Variants in DNHD1 observed in about 807,000 individuals in gnomAD.
The protein encoded by DNHD1 is dynein heavy chain domain 1, also known as dynein heavy chain domain-containing protein 1.
A neutral mutation model predicts 458.1 loss-of-function variants in DNHD1; 383 were observed. That is an observed-to-expected ratio of 0.84 (90% CI 0.77 to 0.91). DNHD1 has a LOEUF of 0.91. Ranked by LOEUF, DNHD1 falls within the 40% of genes least tolerant of loss-of-function variation. The pLI is 0.00. For missense variants in DNHD1, 5,336 were observed against 5,866.1 expected (o/e 0.91, Z 2.95); for synonymous variants, 2,203 against 2,376.9 (o/e 0.93, Z 2.13).
intron 28 of DNHD1, 36 bp downstream of exon 28, chr11:6,559,319 C>CA: frequency 1.2e-5 from 18 of 1,529,442 alleles, no homozygotes; most frequent in Non-Finnish European, 1.5e-5. Flanking sequence ...ATGGTGGTGT[C>CA]AAAGCAGGAG....
Position 6,545,912 on chromosome 11 carries a change from T to C in DNHD1, c.4973T>C (p.Leu1658Pro), listed in dbSNP as rs1197412429. The change falls in exon 21 of 43, where the codon CTA becomes CCA. Residue 1658 changes from leucine (L) to proline (P), a missense_variant. Around this residue, in one of 4 missense-constraint regions of DNHD1, gnomAD observed 3,932 missense variants for 4,365.6 expected, o/e 0.90. Transcript: ENST00000254579. This position sits in a 1 kb window ranked among gnomAD's most constrained non-coding sequence, Gnocchi z 4.9. The part of the protein sequence containing the change: ...LYNYEYLGPR[L>P]GPLPSLLPER... Reference sequence around the variant, plus strand: ...AATTACGAGTATCTGGGACCTAGACTAGGGCCTCTACCCAGCCTACTGCCT... The same window carrying C: ...AATTACGAGTATCTGGGACCTAGACCAGGGCCTCTACCCAGCCTACTGCCT... 7 of 1,551,688 alleles carry C rather than the reference T, an allele frequency of 4.5e-6. No individual in the cohort carries two copies. The African/African-American group carries it at 9.6e-5, about 21-fold the overall frequency.
At chr11:6,508,840 G>A (rs372485903) in intron 4 of DNHD1, 40 bp from the exon 5 acceptor site, 48 of 1,605,178 alleles carry the variant, frequency 3.0e-5, no homozygotes, top group African/African-American at 2.3e-4. Flanking sequence ...GTCTGACCAC[G>A]TTCCCAGGGC....
intron 10 of DNHD1, among the ~76,000 whole-genome samples, chr11:6,528,181 A>C (rs2880963): frequency 0.17 from 26,485 of 152,212 alleles, 2,436 homozygotes; most frequent in Middle Eastern, 0.24. Flanking sequence ...TGCCAGGCAG[A>C]ACACAGCCCT....
chr11:6,539,425 C>T (rs1177852307), intron 17 of DNHD1, 112 bp downstream of exon 17: 15 of 790,598 alleles, frequency 1.9e-5, no homozygotes, highest in Non-Finnish European at 3.1e-5. Context: ...GTTGAGCCTG[C>T]TAACCTGCCT....
At position 6,538,810 on chromosome 11, in the gene DNHD1, G is replaced by T; in HGVS notation, c.3325G>T (p.Ala1109Ser). ...CCTCAACTGCCAGTGTCTCCTGCGT[G>T]GTATGTTTGGTTAATGTCAGAGGAG... is the stretch of plus-strand genomic sequence containing the variant. ...QSLNCQCLLRALGLGSLQTIE... is the reference protein window; with the variant it reads ...QSLNCQCLLRSLGLGSLQTIE... The change falls in exon 16 of 43, where the codon GCC (alanine) becomes TCC (serine). Residue 1109 changes from alanine (A) to serine (S), a missense_variant and splice_region_variant. This residue lies in a region of DNHD1 where 3,932 missense variants were observed against 4,365.6 expected (regional missense o/e 0.90). Coordinates refer to ENST00000254579, the MANE Select transcript of DNHD1 (RefSeq NM_144666.3). The T allele has an allele frequency of 2.7e-6, 4 of 1,498,230 alleles. No homozygotes were observed. The highest frequency in any genetic ancestry group is 3.6e-6 in the Non-Finnish European group (4 of 1,116,192). The allele number at this position is 1,498,230 out of a possible 1,614,324, so 92.8% of individuals were successfully genotyped here.
chr11:6,530,109 A>T (rs10839573), intron 12 of DNHD1, among the ~76,000 whole-genome samples: 2 of 152,036 alleles, frequency 1.3e-5, no homozygotes, highest in Non-Finnish European at 2.9e-5. Flanking sequence ...ACTACAACAC[A>T]TAACAGTATG....
intron 17 of DNHD1, 57 bp downstream of exon 17, chr11:6,539,370 A>G: frequency 7.6e-7 from 1 of 1,315,392 alleles, no homozygotes; most frequent in South Asian, 1.3e-5. Context: ...CCTGTAATAA[A>G]GCCAGTCAAG....
intron 4 of DNHD1, chr11:6,504,169 ATCAAT>A (rs2134367456): frequency 6.6e-6 from 1 of 152,362 alleles, no homozygotes; most frequent in African/African-American, 2.4e-5. Context: ...TCATTTACTG[ATCAAT>A]TCATTTAATA....
Position 6,547,456 on chromosome 11 carries a change from C to A in DNHD1, c.6517C>A (p.Arg2173=). The part of the protein sequence containing the change: ...SLPYEYRLQH[R]TVAELNHMAE... ...TCCTTATGAGTACCGCCTGCAGCAC[C>A]GGACAGTCGCTGAGCTCAACCACAT... The change falls in exon 21 of 43, where the codon CGG becomes AGG. Residue 2173 remains arginine, a synonymous_variant. Coordinates refer to ENST00000254579, the MANE Select transcript of DNHD1 (RefSeq NM_144666.3). 1 of 1,551,332 alleles carries A rather than the reference C, an allele frequency of 6.4e-7. No homozygotes were observed. The highest frequency in any genetic ancestry group is 8.7e-7 in the Non-Finnish European group (1 of 1,146,662).
chr11:6,512,496 A>G (rs1167984139), intron 7 of DNHD1, among the ~76,000 whole-genome samples: 1 of 151,990 alleles, frequency 6.6e-6, no homozygotes, highest in Non-Finnish European at 1.5e-5. Context: ...TGCTGGGATT[A>G]CAGGTGTGAA....
chr11:6,544,917 G>A lies in DNHD1; in HGVS notation c.3978G>A (p.Gln1326=). 1 of 1,551,742 alleles carries A rather than the reference G, an allele frequency of 6.4e-7. No homozygotes were observed. ...AERSPYFQGQ[Q]LQQLLQAGSV... ...GGAGCCCTTACTTCCAAGGCCAGCAGCTGCAACAACTGCTGCAAGCAGGAT... is the reference window on the plus strand; with the variant it reads ...GGAGCCCTTACTTCCAAGGCCAGCAACTGCAACAACTGCTGCAAGCAGGAT... The change falls in exon 21 of 43, where the codon CAG becomes CAA. Residue 1326 remains glutamine (Q), a synonymous_variant. Coordinates refer to ENST00000254579, the MANE Select transcript of DNHD1 (RefSeq NM_144666.3).
rs1853220944 is a variant in DNHD1, at chr11:6,546,521, T to C, written c.5582T>C (p.Leu1861Pro). ...MATRLSKFFS[L>P]ERELVSGPLP... ...ACCCGCCTATCCAAATTCTTCTCTCTAGAGCGTGAGCTGGTGTCTGGGCCC... is the reference window on the plus strand; with the variant it reads ...ACCCGCCTATCCAAATTCTTCTCTCCAGAGCGTGAGCTGGTGTCTGGGCCC... Residue 1861 changes from leucine to proline, a missense_variant, in exon 21 of 43, where the codon CTA becomes CCA. This residue lies in a region of DNHD1 where 3,932 missense variants were observed against 4,365.6 expected (regional missense o/e 0.90). Transcript: ENST00000254579. 1 of 1,551,366 alleles carries C rather than the reference T, an allele frequency of 6.4e-7. No homozygotes were observed.
chr11:6,539,882 C>T lies in DNHD1; in HGVS notation c.3427C>T (p.Gln1143Ter), dbSNP rs1293536888. The change falls in exon 18 of 43, where the codon CAG becomes TAG. Residue 1143 changes from glutamine to a stop codon, truncating the protein, a stop_gained. Coordinates refer to ENST00000254579, the MANE Select transcript of DNHD1 (RefSeq NM_144666.3). LOFTEE classifies it high-confidence loss of function. ...TGAGACCCAGCTGTTCCAGGTCTGGCAGAATGAAAATGAACGAATTCATGC... is the reference window on the plus strand; with the variant it reads ...TGAGACCCAGCTGTTCCAGGTCTGGTAGAATGAAAATGAACGAATTCATGC... ...EFADRINQVW[Q>*]NENERIHAQE... The T allele has an allele frequency of 6.4e-7, 1 of 1,551,736 alleles. No homozygotes were observed. The highest frequency in any genetic ancestry group is 1.2e-5 in the South Asian group (1 of 84,058).
chr11:6,519,486 GTA>G (rs1304681940), intron 7 of DNHD1, 112 bp from the exon 8 acceptor site: 1 of 1,176,786 alleles, frequency 8.5e-7, no homozygotes, highest in Non-Finnish European at 1.2e-6. Context: ...CCCTCCATAT[GTA>G]TATCTAGGTT....
chr11:6,552,076 T>TAA (rs562119046), intron 24 of DNHD1, among the ~76,000 whole-genome samples: 1 of 145,232 alleles, frequency 6.9e-6, no homozygotes, highest in South Asian at 2.2e-4. Flanking sequence ...GACCCTCATT[T>TAA]AAAAAAAAAA....
chr11:6,529,699 C>T (rs564943535), intron 12 of DNHD1, among the ~76,000 whole-genome samples: 68 of 148,306 alleles, frequency 4.6e-4, no homozygotes, highest in African/African-American at 1.6e-3. Flanking sequence ...CAAGGTGCCA[C>T]CTGTACTGGG....
At chr11:6,563,616 C>G in intron 30 of DNHD1, 52 bp downstream of exon 30, 3 of 1,546,822 alleles carry the variant, frequency 1.9e-6, no homozygotes, top group Non-Finnish European at 2.6e-6. Flanking sequence ...TAAAGGGACA[C>G]TTGGCAAGGC....
At chr11:6,526,140 C>T (rs369288615) in intron 10 of DNHD1, among the ~76,000 whole-genome samples, 32 of 151,700 alleles carry the variant, frequency 2.1e-4, no homozygotes, top group African/African-American at 2.4e-4. Flanking sequence ...TTGTTTATTT[C>T]CTTTTTAGTT....
intron 35 of DNHD1, 51 bp downstream of exon 35, chr11:6,566,816 G>A (rs1853712033): frequency 6.9e-6 from 11 of 1,598,902 alleles, no homozygotes; most frequent in Admixed American, 1.7e-5. Flanking sequence ...ATGGACCTGG[G>A]TAAGGGGGTG....
Sources: gnomAD v4.1 joint callset for allele counts (sites outside exome capture counted in the v4.1 genomes callset) on GRCh38, gnomAD v4.1.1 for gene constraint, gnomAD v4.1.1 regional missense constraint, Gnocchi (gnomAD v3.1) non-coding constraint, MANE v1.5 for transcripts, NCBI Gene and HGNC (gene_info 2026-07-23, HGNC 2026-07-21) for gene names.